GALNT17: variants seen among roughly 807,000 people sequenced by gnomAD.
The protein encoded by GALNT17 is polypeptide N-acetylgalactosaminyltransferase 17, also known as UDP-GalNAc:polypeptide N-acetylgalactosaminyltransferase-like 3.
GALNT17 carries 29 observed loss-of-function variants against 63.7 expected under a neutral mutation model. The observed-to-expected ratio is 0.46, with a 90% CI of 0.34 to 0.62. The LOEUF (loss-of-function observed/expected upper bound fraction) is 0.62. Ranked by LOEUF, GALNT17 falls within the 20% of genes least tolerant of loss-of-function variation. The probability of loss-of-function intolerance (pLI) is 0.01; values close to 1 mark genes in which losing one functional copy is unlikely to be tolerated. For missense variants in GALNT17, 603 were observed against 799.6 expected, an observed-to-expected ratio of 0.75 and a Z score of 2.97; for synonymous variants, 305 against 318.3, an observed-to-expected ratio of 0.96 and a Z score of 0.45.
chr7:71,197,964 G>A (rs1202651), intron 1 of GALNT17, among the ~76,000 whole-genome samples: 2 of 151,886 alleles, frequency 1.3e-5, no homozygotes, highest in African/African-American at 4.8e-5. Context: ...TTGGGAGGCC[G>A]AGGTGGGCGG....
intron 1 of GALNT17, among the ~76,000 whole-genome samples, chr7:71,243,412 T>C (rs78573487): frequency 0.016 from 2,423 of 152,312 alleles, 74 homozygotes; most frequent in African/African-American, 0.056. Flanking sequence ...TCTTCAATGA[T>C]TTCAGTGTCT....
chr7:71,650,120 T>C (rs1790733824), intron 6 of GALNT17, among the ~76,000 whole-genome samples: 1 of 152,206 alleles, frequency 6.6e-6, no homozygotes, highest in African/African-American at 2.4e-5. Flanking sequence ...TCTGCAGACT[T>C]ATGGGACCAG....
At chr7:71,568,969 T>C (rs975450320) in intron 5 of GALNT17, among the ~76,000 whole-genome samples, 4 of 152,070 alleles carry the variant, frequency 2.6e-5, no homozygotes, top group Non-Finnish European at 5.9e-5. Context: ...TATCAATTGA[T>C]TGATTGATTG....
intron 6 of GALNT17, among the ~76,000 whole-genome samples, chr7:71,591,185 T>A (rs1183220653): frequency 6.6e-6 from 1 of 152,008 alleles, no homozygotes; most frequent in African/African-American, 2.4e-5. Flanking sequence ...GGCTTCTGAG[T>A]AGCTGGGATT....
rs888643905 is a variant in GALNT17 at position 71,415,535 on chromosome 7, T to C, written c.590-354T>C. Among the ~76,000 whole-genome samples, 6 of 152,178 alleles carry C rather than the reference T, an allele frequency of 3.9e-5. No individual in the cohort carries two copies. The East Asian group carries it at 7.8e-4, about 20-fold the overall frequency. On this transcript the variant is annotated intron_variant, in intron 3 of 10. Transcript: ENST00000333538. ...CTGTGTGCAGATGGAAAAGCCCATA[T>C]AGAATTTGATAAACCGGACAAGGAT...
Position 71,492,822 on chromosome 7 carries a change from C to G in GALNT17, c.962+71717C>G, listed in dbSNP as rs143615608. The stretch of plus-strand genomic sequence containing the variant: ...CCTTTCGAAATACATTCTCATGGAT[C>G]CTTGTCTTGAAGGAGTGACCTGGAT... On this transcript the variant is annotated intron_variant, in intron 5 of 10. Coordinates refer to ENST00000333538, the MANE Select transcript of GALNT17 (RefSeq NM_022479.3). Among the ~76,000 whole-genome samples the G allele has an allele frequency of 1.8e-4, 28 of 152,238 alleles. No individual in the cohort carries two copies. The East Asian group carries it at 3.9e-3, about 21-fold the overall frequency.
In GALNT17 at chr7:71,710,786, TC is replaced by T; in HGVS notation, c.1528del (p.Leu510CysfsTer52). 6.2e-7 allele frequency: 1 copy of T among 1,612,724 alleles called. No individual in the cohort carries two copies. The highest frequency in any genetic ancestry group is 8.5e-7 in the Non-Finnish European group (1 of 1,179,856). ...PQLARYTKEG[F>X]LHLGALGTTT... Reference sequence around the variant, plus strand: ...CTTGCCCGCTACACCAAGGAAGGCTTCCTGCACTTGGGTGCCCTGGGGACCA... The same window carrying T: ...CTTGCCCGCTACACCAAGGAAGGCTTCTGCACTTGGGTGCCCTGGGGACCA... On this transcript the variant is annotated frameshift_variant, in exon 10 of 11. Transcript: ENST00000333538. LOFTEE classifies it high-confidence loss of function.
intron 6 of GALNT17, among the ~76,000 whole-genome samples, chr7:71,606,547 T>C (rs149947521): frequency 1.3e-5 from 2 of 152,140 alleles, no homozygotes. Context: ...CATCTTCACA[T>C]ATGTCAAGGT....
At chr7:71,525,731 C>CT (rs1554304173) in intron 5 of GALNT17, among the ~76,000 whole-genome samples, 5 of 103,212 alleles carry the variant, frequency 4.8e-5, no homozygotes, top group Non-Finnish European at 6.1e-5. Context: ...TTGGGTATGT[C>CT]TTTTCTTTTT....
intron 3 of GALNT17, among the ~76,000 whole-genome samples, chr7:71,408,005 C>T (rs1444320567): frequency 1.3e-5 from 2 of 151,982 alleles, no homozygotes; most frequent in African/African-American, 4.8e-5. Context: ...CACAACATTG[C>T]GAATGTACTC....
intron 9 of GALNT17, among the ~76,000 whole-genome samples, chr7:71,705,762 A>G (rs960586578): frequency 7.9e-5 from 12 of 152,216 alleles, no homozygotes; most frequent in African/African-American, 2.9e-4. Context: ...GACATTGTGC[A>G]GGAGAGAGAA....
intron 6 of GALNT17, among the ~76,000 whole-genome samples, chr7:71,587,801 G>A (rs989055930): frequency 5.9e-5 from 9 of 152,082 alleles, no homozygotes; most frequent in Admixed American, 6.6e-5. Flanking sequence ...GAATAGCCAA[G>A]CCACATGCCG....
intron 5 of GALNT17, among the ~76,000 whole-genome samples, chr7:71,493,419 A>T (rs1788042181): frequency 6.6e-6 from 1 of 152,170 alleles, no homozygotes; most frequent in South Asian, 2.1e-4. Flanking sequence ...AGACATACTT[A>T]AGACTGGGTA....
rs193032179 is a variant in GALNT17 at position 71,407,960 on chromosome 7, G to A, written c.590-7929G>A. Among the ~76,000 whole-genome samples, 38 of 152,210 alleles carry A rather than the reference G, an allele frequency of 2.5e-4. 4 individuals are homozygous for A. The East Asian group carries it at 2.9e-3, about 12-fold the overall frequency. On this transcript the variant is annotated intron_variant, in intron 3 of 10. Coordinates refer to ENST00000333538, the MANE Select transcript of GALNT17 (RefSeq NM_022479.3). ...CAATGGGTATGGGGTTTATGTTTGG[G>A]GTGATGAAAAAGTTCTAGATAGTGG...
intron 6 of GALNT17, among the ~76,000 whole-genome samples, chr7:71,595,056 G>T (rs961323348): frequency 1.3e-5 from 2 of 152,190 alleles, no homozygotes; most frequent in African/African-American, 4.8e-5. Context: ...AACAGAGTCA[G>T]AAATTAGGAT....
At chr7:71,149,347 A>G (rs972277621) in intron 1 of GALNT17, among the ~76,000 whole-genome samples, 1 of 152,188 alleles carries the variant, frequency 6.6e-6, no homozygotes, top group Admixed American at 6.5e-5. Flanking sequence ...AAGGGAAATA[A>G]ACAAATTGTC....
chr7:71,660,663 T>A (rs1479960792), intron 6 of GALNT17, among the ~76,000 whole-genome samples: 1 of 152,200 alleles, frequency 6.6e-6, no homozygotes, highest in Non-Finnish European at 1.5e-5. Flanking sequence ...ACCTCTTGGG[T>A]GGACTCAGAG....
chr7:71,307,014 G>A (rs958442554), intron 1 of GALNT17, among the ~76,000 whole-genome samples: 9 of 152,128 alleles, frequency 5.9e-5, no homozygotes, highest in African/African-American at 2.2e-4. Context: ...AGTGGAGATG[G>A]GGTTTCACTA....
At chr7:71,184,610 C>T (rs1390963901) in intron 1 of GALNT17, among the ~76,000 whole-genome samples, 1 of 152,182 alleles carries the variant, frequency 6.6e-6, no homozygotes, top group South Asian at 2.1e-4. Context: ...TGGCCCAGCT[C>T]TTAGACTTCC....
Sources: gnomAD v4.1 joint callset for allele counts (sites outside exome capture counted in the v4.1 genomes callset) on GRCh38, gnomAD v4.1.1 for gene constraint, MANE v1.5 for transcripts, NCBI Gene and HGNC (gene_info 2026-07-23, HGNC 2026-07-21) for gene names.